Variants in AKT3 observed in about 807,000 individuals in gnomAD.
AKT3 encodes RAC-gamma serine/threonine-protein kinase.
In AKT3, 15 loss-of-function variants were observed where a neutral mutation model predicts 65.3. The ratio of observed to expected loss-of-function variants is 0.23; its 90% CI spans 0.15 to 0.35. The LOEUF (loss-of-function observed/expected upper bound fraction) is 0.35, where lower values mean the gene tolerates loss of function less well. Ranked by LOEUF, AKT3 falls within the 10% of genes least tolerant of loss-of-function variation. AKT3 has a pLI of 1.00. For missense variants in AKT3, 243 were observed against 576.5 expected, an observed-to-expected ratio of 0.42 and a Z score of 5.92; for synonymous variants, 206 against 183.8, an observed-to-expected ratio of 1.12 and a Z score of -0.98.
intron 2 of AKT3, among the ~76,000 whole-genome samples, chr1:243,726,258 A>G (rs1045651224): frequency 1.4e-4 from 21 of 152,224 alleles, no homozygotes; most frequent in African/African-American, 5.1e-4. Context: ...TATCAGAACA[A>G]GACTGATTAT....
At chr1:243,723,981 GTC>G (rs1417257995) in intron 2 of AKT3, among the ~76,000 whole-genome samples, 1 of 152,110 alleles carries the variant, frequency 6.6e-6, no homozygotes, top group African/African-American at 2.4e-5. Flanking sequence ...AGTTAAAGCT[GTC>G]TCTCTCAAGA....
intron 6 of AKT3, among the ~76,000 whole-genome samples, chr1:243,636,945 G>T (rs1344434598): frequency 6.6e-6 from 1 of 152,086 alleles, no homozygotes; most frequent in Admixed American, 6.6e-5. Context: ...CAAATAACTG[G>T]AAGTTGAAGT....
At chr1:243,612,290 T>C (rs895794173) in intron 8 of AKT3, among the ~76,000 whole-genome samples, 8 of 151,896 alleles carry the variant, frequency 5.3e-5, no homozygotes, top group Non-Finnish European at 8.8e-5. Context: ...AATTTTTTTA[T>C]TTTTTGTAGA....
intron 2 of AKT3, among the ~76,000 whole-genome samples, chr1:243,698,555 T>C (rs889302765): frequency 3.3e-5 from 5 of 152,096 alleles, no homozygotes; most frequent in African/African-American, 1.2e-4. Flanking sequence ...ATATTTTCTA[T>C]GATCTATAGC....
intron 1 of AKT3, 66 bp from the exon 2 acceptor site, chr1:243,843,348 A>C (rs1268453710): frequency 1.7e-5 from 22 of 1,314,166 alleles, no homozygotes; most frequent in Non-Finnish European, 2.1e-5. Context: ...AATAACAAAC[A>C]ACTAATTCTT....
At chr1:243,659,700 T>A (rs1682127394) in intron 4 of AKT3, among the ~76,000 whole-genome samples, 1 of 151,836 alleles carries the variant, frequency 6.6e-6, no homozygotes, top group Admixed American at 6.6e-5. Context: ...AAAAATAGAG[T>A]CCACCCTTAT....
chr1:243,841,827 T>C (rs1695256354), intron 2 of AKT3, among the ~76,000 whole-genome samples: 1 of 151,548 alleles, frequency 6.6e-6, no homozygotes, highest in South Asian at 2.1e-4. Context: ...CATGAACTAC[T>C]ACTCAACCAT....
intron 10 of AKT3, among the ~76,000 whole-genome samples, chr1:243,558,987 C>A (rs1302366617): frequency 6.6e-6 from 1 of 152,042 alleles, no homozygotes; most frequent in Admixed American, 6.6e-5. Flanking sequence ...AAGAGCAAAG[C>A]TGAGACTCTA....
intron 3 of AKT3, among the ~76,000 whole-genome samples, chr1:243,693,476 G>GT (rs1684857039): frequency 6.6e-6 from 1 of 151,372 alleles, no homozygotes; most frequent in Non-Finnish European, 1.5e-5. Context: ...CTTCTTCTCT[G>GT]TTTTAATTTG....
chr1:243,573,078 T>C, intron 8 of AKT3, 30 bp from the exon 9 acceptor site: 1 of 1,606,658 alleles, frequency 6.2e-7, no homozygotes, highest in Non-Finnish European at 8.5e-7. Context: ...GACAGGATTG[T>C]AATAATTACT....
chr1:243,676,041 A>G (rs1046731318), intron 3 of AKT3, among the ~76,000 whole-genome samples: 5 of 152,232 alleles, frequency 3.3e-5, no homozygotes, highest in Non-Finnish European at 7.3e-5. Context: ...CATAAAGCTT[A>G]TATTTTACTG....
Position 243,719,811 on chromosome 1 carries a change from G to A in AKT3, c.47-24095C>T, listed in dbSNP as rs892615395. Among the ~76,000 whole-genome samples the A allele has an allele frequency of 2.6e-5, 4 of 152,130 alleles. No individual in the cohort carries two copies. The South Asian group carries it at 8.3e-4, about 32-fold the overall frequency. ...ATGCGTTAATTCTGCTCACATGTGA[G>A]TGGCCAGAACTCAGTCGTATGGCCA... On this transcript the variant is annotated intron_variant, in intron 2 of 13. Coordinates refer to ENST00000673466, the MANE Select transcript of AKT3 (RefSeq NM_005465.7).
chr1:243,765,009 T>C (rs1689726080), intron 2 of AKT3, among the ~76,000 whole-genome samples: 1 of 152,172 alleles, frequency 6.6e-6, no homozygotes, highest in African/African-American at 2.4e-5. Context: ...CATTTATACA[T>C]ATATTTACTT....
At chr1:243,791,301 T>C (rs1553453281) in intron 2 of AKT3, among the ~76,000 whole-genome samples, 1 of 145,884 alleles carries the variant, frequency 6.9e-6, no homozygotes, top group Non-Finnish European at 1.5e-5. Flanking sequence ...TTTTTTTTTC[T>C]CAAGTATTTT....
intron 13 of AKT3, among the ~76,000 whole-genome samples, chr1:243,510,178 A>G (rs1046132340): frequency 2.0e-5 from 3 of 152,134 alleles, no homozygotes; most frequent in South Asian, 2.1e-4. Flanking sequence ...TCCTATCCCA[A>G]TATCTGCTTT....
chr1:243,721,806 T>C (rs921878983), intron 2 of AKT3, among the ~76,000 whole-genome samples: 2 of 152,072 alleles, frequency 1.3e-5, no homozygotes, highest in South Asian at 4.1e-4. Flanking sequence ...AGGAAACAAA[T>C]TTGTGTAGTA....
intron 2 of AKT3, among the ~76,000 whole-genome samples, chr1:243,782,918 C>T (rs966773843): frequency 1.3e-5 from 2 of 152,078 alleles, no homozygotes; most frequent in Non-Finnish European, 2.9e-5. Context: ...ATCCTCACAC[C>T]CTGGTATTCA....
intron 3 of AKT3, among the ~76,000 whole-genome samples, chr1:243,665,342 C>T (rs1682691775): frequency 6.6e-6 from 1 of 152,154 alleles, no homozygotes; most frequent in Non-Finnish European, 1.5e-5. Context: ...TACCATATCC[C>T]TCATGTGTCA....
At chr1:243,491,195 T>C (rs919253450) in intron 13 of AKT3, among the ~76,000 whole-genome samples, 11 of 152,240 alleles carry the variant, frequency 7.2e-5, no homozygotes, top group Admixed American at 4.6e-4. Context: ...GGATCACCGA[T>C]GCTTAGAAGC....
Sources: gnomAD v4.1 joint callset for allele counts (sites outside exome capture counted in the v4.1 genomes callset) on GRCh38, gnomAD v4.1.1 for gene constraint, MANE v1.5 for transcripts, NCBI Gene and HGNC (gene_info 2026-07-23, HGNC 2026-07-21) for gene names.